ZNF585B: variants seen among roughly 807,000 people sequenced by gnomAD.
The protein encoded by ZNF585B is zinc finger protein 41-like protein.
Under a neutral mutation model 14.0 loss-of-function variants are expected in ZNF585B, and 7 were observed. That is an observed-to-expected ratio of 0.50 (90% CI 0.28 to 0.94). ZNF585B has a LOEUF of 0.94. Ranked by LOEUF, ZNF585B falls within the 40% of genes least tolerant of loss-of-function variation. ZNF585B has a pLI of 0.09. For synonymous variants in ZNF585B, 290 were observed against 317.3 expected (o/e 0.91, Z 0.91); for missense variants, 750 against 924.4 (o/e 0.81, Z 2.45).
Position 37,190,167 on chromosome 19 carries a change from C to T in ZNF585B, c.73-17G>A, listed in dbSNP as rs748874325. 7 of 1,614,130 alleles carry T rather than the reference C, an allele frequency of 4.3e-6. No individual in the cohort carries two copies. Among genetic ancestry groups the T allele is most frequent in the East Asian group, 4.5e-5 (2 of 44,886 alleles). ...CACTGATCCCTGTAAGGGCACATTC[C>T]TGTTCAATGTGCATAGTCAGCTTTG... On this transcript the variant is annotated splice_polypyrimidine_tract_variant and intron_variant, in intron 2 of 4. Coordinates refer to ENST00000532828, the MANE Select transcript of ZNF585B (RefSeq NM_152279.4).
chr19:37,191,205 G>A (rs534017528), intron 2 of ZNF585B, among the ~76,000 whole-genome samples: 1 of 152,232 alleles, frequency 6.6e-6, no homozygotes, highest in East Asian at 1.9e-4. Context: ...TTGACCTTGT[G>A]ACAAATGTAT....
At chr19:37,193,034 C>T (rs111927298) in intron 2 of ZNF585B, among the ~76,000 whole-genome samples, 55,833 of 151,606 alleles carry the variant, frequency 0.37, 10,616 homozygotes, top group African/African-American at 0.44. Flanking sequence ...ACTTGGGAGA[C>T]TGAGGCAAGC....
At chr19:37,209,383 G>T (rs1211832710) in intron 1 of ZNF585B, among the ~76,000 whole-genome samples, 4 of 151,950 alleles carry the variant, frequency 2.6e-5, no homozygotes, top group African/African-American at 9.7e-5. Flanking sequence ...GATTACAGGC[G>T]TGAGCCACCA....
intron 4 of ZNF585B, 52 bp downstream of exon 4, chr19:37,189,609 T>C (rs746099233): frequency 9.4e-6 from 15 of 1,601,162 alleles, no homozygotes; most frequent in Non-Finnish European, 1.3e-5. Context: ...ACAGCTGAGA[T>C]TTCCTCCTGT....
intron 2 of ZNF585B, among the ~76,000 whole-genome samples, chr19:37,196,238 C>T (rs1191235450): frequency 6.6e-6 from 1 of 152,038 alleles, no homozygotes; most frequent in Non-Finnish European, 1.5e-5. Context: ...AGCAAACAAT[C>T]CAGCAATGAA....
Position 37,190,065 on chromosome 19 carries a change from C to T in ZNF585B, c.158G>A (p.Arg53Gln), listed in dbSNP as rs774987669. The change falls in exon 3 of 5, where the codon CGG becomes CAG. Residue 53 changes from arginine (R) to glutamine (Q), a missense_variant. By Grantham distance (43) the Arg-to-Gln change is conservative. Coordinates refer to ENST00000532828, the MANE Select transcript of ZNF585B (RefSeq NM_152279.4). ...GCTGTAGGTCTCCAGCATCACATCC[C>T]GGTACAGGTTTCTCTGAGAAAGGTC... is the stretch of plus-strand genomic sequence containing the variant. ...HLDLSQRNLYRDVMLETYSHL... is the reference protein window; with the variant it reads ...HLDLSQRNLYQDVMLETYSHL... 41 of 1,613,962 alleles carry T rather than the reference C, an allele frequency of 2.5e-5. No individual in the cohort carries two copies. Among genetic ancestry groups the T allele is most frequent in the Admixed American group, 5.0e-5 (3 of 59,974 alleles).
At chr19:37,195,016 T>C (rs565556687) in intron 2 of ZNF585B, among the ~76,000 whole-genome samples, 2 of 152,158 alleles carry the variant, frequency 1.3e-5, no homozygotes, top group East Asian at 1.9e-4. Context: ...AAATGACCTA[T>C]AGGTCAAAGA....
intron 1 of ZNF585B, among the ~76,000 whole-genome samples, chr19:37,207,939 C>T (rs1423368199): frequency 1.3e-5 from 2 of 151,978 alleles, no homozygotes; most frequent in Non-Finnish European, 1.5e-5. Context: ...ATTGGCCATG[C>T]ATCTGGAATA....
chr19:37,185,862 A>G lies in ZNF585B; in HGVS notation c.1675T>C (p.Phe559Leu), dbSNP rs777256090. 4 of 1,613,552 alleles carry G rather than the reference A, an allele frequency of 2.5e-6. No individual in the cohort carries two copies. The Admixed American group carries it at 6.7e-5, about 27-fold the overall frequency. ...ACAATGAGTATTGATTTCTGGTTGA[A>G]GGCTTTCCCACATTCGTGGCATTCA... ...QYECHECGKA[F>L]NQKSILIVHQ... Residue 559 changes from phenylalanine to leucine, a missense_variant, in exon 5 of 5, where the codon TTC becomes CTC. Around this residue, in one of 2 missense-constraint regions of ZNF585B, gnomAD observed 233 missense variants for 354.1 expected, o/e 0.66. Coordinates refer to ENST00000532828, the MANE Select transcript of ZNF585B (RefSeq NM_152279.4).
chr19:37,195,425 C>T lies in ZNF585B; in HGVS notation c.73-5275G>A, dbSNP rs1000047061. Among the ~76,000 whole-genome samples, 10 of 144,288 alleles carry T rather than the reference C, an allele frequency of 6.9e-5. No individual in the cohort carries two copies. The East Asian group carries it at 2.0e-3, about 29-fold the overall frequency. The allele number at this position is 144,288 out of a possible 152,430, so 94.7% of individuals were successfully genotyped here. ...AAAAAAAAAGTCAATAAAACACAAT[C>T]CAGTTGTTGGGGAGAAAAAATCAAC... is the stretch of plus-strand genomic sequence containing the variant. On this transcript the variant is annotated intron_variant, in intron 2 of 4. Coordinates refer to ENST00000532828, the MANE Select transcript of ZNF585B (RefSeq NM_152279.4).
intron 2 of ZNF585B, among the ~76,000 whole-genome samples, chr19:37,201,572 G>C (rs1376468890): frequency 6.6e-6 from 1 of 152,098 alleles, no homozygotes; most frequent in African/African-American, 2.4e-5. Flanking sequence ...GTAACATTCA[G>C]AAATGTTAAA....
At position 37,186,666 on chromosome 19, in the gene ZNF585B, T is replaced by G; in HGVS notation, c.871A>C (p.Ile291Leu). 2.5e-6 allele frequency: 4 copies of G among 1,614,212 alleles called. No individual in the cohort carries two copies. In the South Asian group the frequency reaches 3.3e-5, roughly 13 times the overall value. The change falls in exon 5 of 5, where the codon ATT becomes CTT. Residue 291 changes from isoleucine to leucine, a missense_variant. By Grantham distance (5) the Ile-to-Leu change is conservative. This residue lies in a region of ZNF585B where 517 missense variants were observed against 570.3 expected (regional missense o/e 0.91). Transcript: ENST00000532828. The stretch of plus-strand genomic sequence containing the variant: ...TCATATGGTTTTTCTCCACTATGAA[T>G]TCTTCGGTGTGCAATCAATTGTGTT... ...QKTQLIAHRRIHSGEKPYECN... is the reference protein window; with the variant it reads ...QKTQLIAHRRLHSGEKPYECN...
chr19:37,198,697 T>C (rs1027297775), intron 2 of ZNF585B, among the ~76,000 whole-genome samples: 6 of 149,382 alleles, frequency 4.0e-5, no homozygotes, highest in Non-Finnish European at 7.4e-5. Flanking sequence ...GATTGCGCCA[T>C]TGCACTTCAG....
chr19:37,202,178 T>C (rs992037290), intron 2 of ZNF585B, among the ~76,000 whole-genome samples: 2 of 152,096 alleles, frequency 1.3e-5, no homozygotes, highest in Admixed American at 1.3e-4. Flanking sequence ...AATTTTTGTA[T>C]TTTTAATAGA....
intron 4 of ZNF585B, 100 bp from the exon 5 acceptor site, chr19:37,187,344 G>C: frequency 1.1e-6 from 1 of 916,716 alleles, no homozygotes; most frequent in South Asian, 1.9e-5. Flanking sequence ...TGAATGTGTA[G>C]ATCTAAATTA....
At chr19:37,201,037 G>T (rs1972526007) in intron 2 of ZNF585B, among the ~76,000 whole-genome samples, 1 of 150,530 alleles carries the variant, frequency 6.6e-6, no homozygotes, top group South Asian at 2.1e-4. Context: ...ACTACCATAA[G>T]GCAAGATCAT....
At position 37,190,031 on chromosome 19, in the gene ZNF585B, G is replaced by C. The variant is rs752487968; in HGVS notation, c.192C>G (p.Leu64=). ...DVMLETYSHL[L]SVGYQVPKPE... ...CAAGGTGACTGTGCTTACCTACTGA[G>C]AGCAGGTGGCTGTAGGTCTCCAGCA... Residue 64 remains leucine (L), a synonymous_variant, in exon 3 of 5, where the codon CTC becomes CTG. Coordinates refer to ENST00000532828, the MANE Select transcript of ZNF585B (RefSeq NM_152279.4). The C allele has an allele frequency of 5.6e-6, 9 of 1,613,954 alleles. No homozygotes were observed. In the South Asian group the frequency reaches 8.8e-5, roughly 16 times the overall value.
intron 2 of ZNF585B, 77 bp downstream of exon 2, chr19:37,206,963 C>A: frequency 1.3e-6 from 2 of 1,586,228 alleles, no homozygotes; most frequent in Non-Finnish European, 1.7e-6. Flanking sequence ...TCTGCCTCTG[C>A]CCTAAGGCTG....
Position 37,184,941 on chromosome 19 carries a change from A to C in ZNF585B, c.*286T>G, listed in dbSNP as rs1190997320. 2 of 455,404 alleles carry C rather than the reference A, an allele frequency of 4.4e-6. No individual in the cohort carries two copies. Among genetic ancestry groups the C allele is most frequent in the African/African-American group, 2.0e-5 (1 of 50,392 alleles). The allele number at this position is 455,404 out of a possible 1,614,324, so 28.2% of individuals were successfully genotyped here. Reference sequence around the variant, plus strand: ...TCTTTCTTATGAAGAATTTGGTAACAGTATTCTATTGTAGTTTTCATGAGA... The same window carrying C: ...TCTTTCTTATGAAGAATTTGGTAACCGTATTCTATTGTAGTTTTCATGAGA... On this transcript the variant is annotated 3_prime_UTR_variant, in exon 5 of 5. Transcript: ENST00000532828.
Sources: allele counts gnomAD v4.1 joint callset (sites outside exome capture counted in the v4.1 genomes callset), GRCh38; gene constraint gnomAD v4.1.1; regional missense constraint gnomAD v4.1.1; transcripts MANE v1.5; gene names NCBI Gene and HGNC (gene_info 2026-07-23, HGNC 2026-07-21).